LARGE1: variants seen among roughly 807,000 people sequenced by gnomAD.
The protein encoded by LARGE1 is LARGE xylosyl- and glucuronyltransferase 1, also known as xylosyl- and glucuronyltransferase LARGE1.
In LARGE1, 43 loss-of-function variants were observed where a neutral mutation model predicts 87.6. The ratio of observed to expected loss-of-function variants is 0.49; its 90% CI spans 0.38 to 0.63. The LOEUF is 0.63. Among genes scored for constraint, LARGE1 ranks in the 30% least tolerant of loss-of-function variants. The pLI is 0.00. For synonymous variants in LARGE1, 434 were observed against 394.6 expected (o/e 1.10, Z -1.18); for missense variants, 802 against 1,000.2 (o/e 0.80, Z 2.67).
intron 2 of LARGE1, among the ~76,000 whole-genome samples, chr22:33,719,000 G>A (rs1376072879): frequency 6.6e-6 from 1 of 152,048 alleles, no homozygotes; most frequent in African/African-American, 2.4e-5. Context: ...TGTTGGCCAG[G>A]CTCATCTCAA....
upstream of LARGE1, among the ~76,000 whole-genome samples, chr22:33,921,313 C>T (rs1013372831): frequency 2.6e-5 from 4 of 151,920 alleles, no homozygotes; most frequent in Non-Finnish European, 4.4e-5. The surrounding 1 kb of genome is among the most constrained non-coding windows in gnomAD (Gnocchi z 4.1). Flanking sequence ...GCTCCCCGCC[C>T]TTCTTCCCCC....
rs41416046 is a variant in LARGE1 at position 33,671,886 on chromosome 22, T to C, written c.107-21218A>G. Among the ~76,000 whole-genome samples, 1,118 of 152,264 alleles carry C rather than the reference T, an allele frequency of 7.3e-3. 14 individuals carry two copies. The highest frequency in any genetic ancestry group is 0.026 in the African/African-American group (1,070 of 41,558). ...ATTAAGAATGGTGGCCATTCTTGTC[T>C]GTATGTGTGATATACTTGACAATAA... On this transcript the variant is annotated intron_variant, in intron 2 of 14. Transcript: ENST00000397394.
At chr22:33,693,263 G>C (rs2082145911) in intron 2 of LARGE1, among the ~76,000 whole-genome samples, 1 of 152,136 alleles carries the variant, frequency 6.6e-6, no homozygotes, top group Non-Finnish European at 1.5e-5. Flanking sequence ...AGCTGGGAGG[G>C]AGTGAGAGCC....
At chr22:33,141,296 T>C in the LARGE1 span, among the ~76,000 whole-genome samples, 1 of 152,014 alleles carries the variant, frequency 6.6e-6, no homozygotes, top group Non-Finnish European at 1.5e-5. Flanking sequence ...GCCTTAAAGA[T>C]GCATATGAAG....
At chr22:33,664,537 A>G (rs1489378061) in intron 2 of LARGE1, among the ~76,000 whole-genome samples, 1 of 152,152 alleles carries the variant, frequency 6.6e-6, no homozygotes, top group Non-Finnish European at 1.5e-5. Context: ...TGCCTCACTC[A>G]TTCTACTTGT....
chr22:33,348,332 G>C (rs1007749856), intron 9 of LARGE1, among the ~76,000 whole-genome samples: 1 of 148,316 alleles, frequency 6.7e-6, no homozygotes, highest in African/African-American at 2.5e-5. Context: ...CTGTTGGGCA[G>C]GGGCAAGGCA....
chr22:33,369,366 T>A (rs1280433338), intron 9 of LARGE1, among the ~76,000 whole-genome samples: 1 of 152,198 alleles, frequency 6.6e-6, no homozygotes, highest in Non-Finnish European at 1.5e-5. Context: ...AGACTCCAGC[T>A]AATTACAAGG....
the LARGE1 span, among the ~76,000 whole-genome samples, chr22:33,131,539 G>C: frequency 1.3e-5 from 2 of 152,192 alleles, no homozygotes; most frequent in Non-Finnish European, 2.9e-5. Context: ...GGCTGGGGAG[G>C]CCTCACAATC....
intron 1 of LARGE1, among the ~76,000 whole-genome samples, chr22:33,865,887 C>T (rs1328083981): frequency 9.4e-6 from 1 of 105,854 alleles, no homozygotes; most frequent in East Asian, 3.1e-4. Context: ...CTCGCTCTGT[C>T]ATCCAGGCTG....
intron 1 of LARGE1, among the ~76,000 whole-genome samples, chr22:33,825,809 C>T (rs2062765357): frequency 1.3e-5 from 2 of 152,134 alleles, no homozygotes; most frequent in South Asian, 4.1e-4. Flanking sequence ...CCCATCAATC[C>T]TGACTCCAAC....
chr22:33,166,726 C>A (rs1274830884), exon 12 of LARGE1: 1 of 471,130 alleles, frequency 2.1e-6, no homozygotes, highest in Non-Finnish European at 4.4e-6. Flanking sequence ...AAGAACAGTA[C>A]CCAAGTCCTC....
chr22:33,347,550 T>C (rs565484077), intron 9 of LARGE1, among the ~76,000 whole-genome samples: 121 of 152,372 alleles, frequency 7.9e-4, no homozygotes, highest in Middle Eastern at 3.4e-3. Flanking sequence ...TCATTTTTTC[T>C]TGAAGGAGTT....
chr22:33,880,936 A>G (rs1353081730), intron 1 of LARGE1, among the ~76,000 whole-genome samples: 5 of 152,216 alleles, frequency 3.3e-5, no homozygotes, highest in African/African-American at 1.2e-4. Flanking sequence ...TTTTATGTTT[A>G]ATATACTTTG....
exon 12 of LARGE1, chr22:33,165,980 G>A (rs1382660449): frequency 6.6e-6 from 1 of 152,204 alleles, no homozygotes; most frequent in African/African-American, 2.4e-5. Context: ...ATTCAGTGTG[G>A]TAAACGCTGT....
At chr22:33,783,539 T>C (rs553033353) in intron 1 of LARGE1, among the ~76,000 whole-genome samples, 3 of 152,280 alleles carry the variant, frequency 2.0e-5, no homozygotes, top group East Asian at 1.9e-4. Flanking sequence ...CACTCCAGCC[T>C]GGGCAACAGA....
chr22:33,401,398 G>T (rs1474201340), intron 7 of LARGE1, among the ~76,000 whole-genome samples: 1 of 152,126 alleles, frequency 6.6e-6, no homozygotes, highest in Non-Finnish European at 1.5e-5. Context: ...CTTCTTGGGA[G>T]GCAAATGAGA....
intron 4 of LARGE1, among the ~76,000 whole-genome samples, chr22:33,606,478 G>A (rs564876767): frequency 2.6e-5 from 4 of 151,450 alleles, no homozygotes; most frequent in African/African-American, 9.8e-5. Flanking sequence ...TCAGGGAGGT[G>A]TGGGGGGCAG....
upstream of LARGE1, among the ~76,000 whole-genome samples, chr22:33,920,784 C>G (rs1418502980): frequency 1.6e-4 from 23 of 144,920 alleles, no homozygotes; most frequent in African/African-American, 5.7e-4. Flanking sequence ...GATGCGCCGG[C>G]TTCCCGGAGC....
chr22:33,368,086 A>T (rs1385616699), intron 9 of LARGE1, among the ~76,000 whole-genome samples: 1 of 152,194 alleles, frequency 6.6e-6, no homozygotes, highest in Non-Finnish European at 1.5e-5. Flanking sequence ...TTTCTTTTTA[A>T]TAAATGTTCC....
Sources: allele counts gnomAD v4.1 joint callset (sites outside exome capture counted in the v4.1 genomes callset), GRCh38; gene constraint gnomAD v4.1.1; non-coding constraint Gnocchi (gnomAD v3.1); transcripts MANE v1.5; gene names NCBI Gene and HGNC (gene_info 2026-07-23, HGNC 2026-07-21).